CPED1: variants seen among roughly 807,000 people sequenced by gnomAD.
The protein encoded by CPED1 is cadherin like and PC-esterase domain containing 1.
Under a neutral mutation model 128.2 loss-of-function variants are expected in CPED1, and 114 were observed. That is an observed-to-expected ratio of 0.89 (90% CI 0.76 to 1.04). The LOEUF (loss-of-function observed/expected upper bound fraction) is 1.04. Among genes scored for constraint, CPED1 ranks in the 50% least tolerant of loss-of-function variants. CPED1 has a pLI of 0.00. For missense variants in CPED1, 1,211 were observed against 1,207.1 expected (o/e 1.00, Z -0.05); for synonymous variants, 462 against 426.7 (o/e 1.08, Z -1.02).
intron 2 of CPED1, among the ~76,000 whole-genome samples, chr7:121,014,379 C>T (rs1281677694): frequency 6.6e-6 from 1 of 151,886 alleles, no homozygotes; most frequent in Non-Finnish European, 1.5e-5. Context: ...GGTGAAACCC[C>T]ATCTCTACTA....
At chr7:121,038,968 T>A (rs1585033143) in intron 3 of CPED1, among the ~76,000 whole-genome samples, 1 of 152,110 alleles carries the variant, frequency 6.6e-6, no homozygotes, top group Admixed American at 6.6e-5. Context: ...ATTATCTGAC[T>A]GAGGTAATGT....
chr7:121,097,789 A>G lies in CPED1; in HGVS notation c.707A>G (p.Lys236Arg), dbSNP rs548167029. 5.7e-5 allele frequency: 92 copies of G among 1,613,734 alleles called. No individual in the cohort carries two copies. The highest frequency in any genetic ancestry group is 7.6e-5 in the Non-Finnish European group (90 of 1,179,800). Residue 236 changes from lysine (K) to arginine (R), a missense_variant, in exon 6 of 23, where the codon AAG becomes AGG. Transcript: ENST00000310396. ...STSSHLLKTV[K>R]PRVWKPGDWS... ...TCGAGTCACCTTTTAAAAACAGTGA[A>G]GCCACGTGTGTGGAAACCAGGGGAC...
Position 121,244,278 on chromosome 7 carries a change from C to A in CPED1, c.2250C>A (p.His750Gln). The A allele has an allele frequency of 6.2e-7, 1 of 1,614,036 alleles. No individual in the cohort carries two copies. ...CDWREITWQP[H>Q]NCQYGVLTKP... is the part of the protein sequence containing the mutation. ...GGAGAGAAATAACCTGGCAGCCCCA[C>A]AACTGCCAATATGGTGTCCTAACTA... Residue 750 changes from histidine (H) to glutamine (Q), a missense_variant, in exon 18 of 23, where the codon CAC becomes CAA. Transcript: ENST00000310396.
chr7:121,065,115 T>C (rs1219265395), intron 5 of CPED1, among the ~76,000 whole-genome samples: 1 of 152,178 alleles, frequency 6.6e-6, no homozygotes, highest in Admixed American at 6.5e-5. Context: ...TCTATCTTAA[T>C]CCATCAACTT....
chr7:121,078,498 GAAAAAAAAAAA>G (rs529856618), intron 5 of CPED1, among the ~76,000 whole-genome samples: 7 of 101,882 alleles, frequency 6.9e-5, no homozygotes, highest in African/African-American at 3.0e-4. Context: ...AAGAAAGAAA[GAAAAAAAAAAA>G]AAAAAAAAAA....
At chr7:121,000,448 A>G (rs1279994959) in intron 2 of CPED1, among the ~76,000 whole-genome samples, 1 of 152,184 alleles carries the variant, frequency 6.6e-6, no homozygotes, top group East Asian at 1.9e-4. Flanking sequence ...TTTCAATTAA[A>G]TTCACTAATA....
intron 2 of CPED1, 82 bp from the exon 3 acceptor site, chr7:121,015,583 A>G: frequency 8.1e-7 from 1 of 1,231,428 alleles, no homozygotes; most frequent in Non-Finnish European, 1.1e-6. Flanking sequence ...CTTCCCAAAT[A>G]GCCCTTGATT....
At chr7:121,261,730 A>G in intron 18 of CPED1, 1 of 1,594,588 alleles carries the variant, frequency 6.3e-7, no homozygotes, top group Non-Finnish European at 8.5e-7. Context: ...ACCCCTGCAC[A>G]TAAACCTGAC....
At chr7:121,267,122 G>T in intron 20 of CPED1, 93 bp from the exon 21 acceptor site, 1 of 725,838 alleles carries the variant, frequency 1.4e-6, no homozygotes, top group South Asian at 1.9e-5. Flanking sequence ...ATCACATTCT[G>T]AAAGAATTCT....
intron 13 of CPED1, among the ~76,000 whole-genome samples, chr7:121,134,927 CATAA>C (rs983672031): frequency 1.3e-5 from 2 of 151,818 alleles, no homozygotes; most frequent in African/African-American, 4.8e-5. Context: ...AATTTAATTA[CATAA>C]ATTATCAACA....
intron 16 of CPED1, among the ~76,000 whole-genome samples, chr7:121,222,193 C>A (rs184036398): frequency 6.6e-6 from 1 of 152,284 alleles, no homozygotes; most frequent in East Asian, 1.9e-4. Flanking sequence ...GTTTTCCCAG[C>A]ACCATTTATT....
chr7:121,109,005 A>C (rs951301510), intron 7 of CPED1, among the ~76,000 whole-genome samples: 5 of 152,180 alleles, frequency 3.3e-5, no homozygotes, highest in Admixed American at 2.6e-4. Context: ...TTTATACTTA[A>C]CATGTAAGAC....
intron 7 of CPED1, among the ~76,000 whole-genome samples, chr7:121,105,386 T>C (rs1471690717): frequency 1.3e-5 from 2 of 152,082 alleles, no homozygotes; most frequent in Admixed American, 1.3e-4. Context: ...TTTTCAACCT[T>C]AGGAAGTGTT....
At chr7:121,188,865 G>A (rs1208126127) in intron 16 of CPED1, among the ~76,000 whole-genome samples, 5 of 152,110 alleles carry the variant, frequency 3.3e-5, no homozygotes, top group Non-Finnish European at 5.9e-5. Context: ...AAGGTGTAGA[G>A]AGAAGAGAAG....
intron 18 of CPED1, among the ~76,000 whole-genome samples, chr7:121,264,111 T>C (rs1792076545): frequency 1.3e-5 from 2 of 152,004 alleles, no homozygotes; most frequent in African/African-American, 4.8e-5. Flanking sequence ...AAATAAAAGA[T>C]AGCCACCTAC....
chr7:121,268,149 T>C (rs1324710097), intron 21 of CPED1, among the ~76,000 whole-genome samples: 2 of 152,068 alleles, frequency 1.3e-5, no homozygotes, highest in Non-Finnish European at 2.9e-5. Flanking sequence ...TTAAGGCTAC[T>C]GGGGATCAGG....
intron 2 of CPED1, among the ~76,000 whole-genome samples, chr7:120,997,814 C>T (rs1459197337): frequency 2.0e-5 from 3 of 151,800 alleles, no homozygotes; most frequent in Non-Finnish European, 4.4e-5. Flanking sequence ...TCCAGCTACT[C>T]AGTAGACTGA....
At chr7:121,162,448 T>C (rs753577927) in intron 16 of CPED1, among the ~76,000 whole-genome samples, 38 of 152,360 alleles carry the variant, frequency 2.5e-4, no homozygotes, top group Middle Eastern at 3.4e-3. Flanking sequence ...CATCAGTTCA[T>C]GTCTTCTGAT....
chr7:121,029,923 G>A (rs2116855650), intron 3 of CPED1, among the ~76,000 whole-genome samples: 1 of 152,068 alleles, frequency 6.6e-6, no homozygotes, highest in South Asian at 2.1e-4. Flanking sequence ...ATAGTGCTTT[G>A]AAAGATACAG....
Sources: allele counts gnomAD v4.1 joint callset (sites outside exome capture counted in the v4.1 genomes callset), GRCh38; gene constraint gnomAD v4.1.1; transcripts MANE v1.5; gene names NCBI Gene and HGNC (gene_info 2026-07-23, HGNC 2026-07-21).